The following ABCA4 variants were observed in gnomAD, a reference collection of about 807,000 sequenced individuals.
ABCA4 encodes the protein retinal-specific phospholipid-transporting ATPase ABCA4.
A neutral mutation model predicts 263.7 loss-of-function variants in ABCA4; 196 were observed. The observed-to-expected ratio is 0.74, with a 90% CI of 0.66 to 0.84. The LOEUF (loss-of-function observed/expected upper bound fraction) is 0.84. Ranked by LOEUF, ABCA4 falls within the 40% of genes least tolerant of loss-of-function variation. The pLI is 0.00. For synonymous variants in ABCA4, 1,133 were observed against 1,094.2 expected (o/e 1.04, Z -0.70); for missense variants, 2,792 against 2,855.1 (o/e 0.98, Z 0.50).
chr1:94,031,053 T>A lies in ABCA4; in HGVS notation c.4196A>T (p.Glu1399Val), dbSNP rs765601410. 1 of 1,614,104 alleles carries A rather than the reference T, an allele frequency of 6.2e-7. No homozygotes were observed. ...MLSIVIPPFG[E>V]YPALTLHPWI... is the part of the protein sequence containing the mutation. ...GGGGTGAAGGGTCAAAGCGGGGTAT[T>A]CGCCAAAAGGAGGGATAACAATAGA... Residue 1399 changes from glutamate to valine, a missense_variant, in exon 28 of 50, where the codon GAA becomes GTA. Physicochemically the swap from Glu to Val is moderately radical, Grantham distance 121. Coordinates refer to ENST00000370225, the MANE Select transcript of ABCA4 (RefSeq NM_000350.3).
Position 94,024,973 on chromosome 1 carries a change from G to A in ABCA4, c.4615C>T (p.Pro1539Ser), listed in dbSNP as rs753785442. 1 of 1,614,094 alleles carries A rather than the reference G, an allele frequency of 6.2e-7. No homozygotes were observed. Among genetic ancestry groups the A allele is most frequent in the Non-Finnish European group, 8.5e-7 (1 of 1,179,936 alleles). Reference sequence around the variant, plus strand: ...TCTTACCTGCTTCTTATAAGAGCAGGATACGTTTTTACCAAGAAGTCGGAG... The same window carrying A: ...TCTTACCTGCTTCTTATAAGAGCAGAATACGTTTTTACCAAGAAGTCGGAG... Reference protein sequence around the residue: ...NISDFLVKTYPALIRSSLKSK... With the variant: ...NISDFLVKTYSALIRSSLKSK... Residue 1539 changes from proline (P) to serine (S), a missense_variant, in exon 31 of 50, where the codon CCT becomes TCT. By Grantham distance (74) the Pro-to-Ser change is moderately conservative. Transcript: ENST00000370225.
intron 44 of ABCA4, among the ~76,000 whole-genome samples, chr1:94,003,697 G>A (rs905634111): frequency 1.6e-4 from 25 of 152,130 alleles, no homozygotes; most frequent in African/African-American, 5.8e-4. Flanking sequence ...GCAGTGGCTT[G>A]ATCACAGCTC....
intron 1 of ABCA4, 105 bp from the exon 2 acceptor site, chr1:94,113,171 G>C (rs569695224): frequency 9.3e-7 from 1 of 1,075,432 alleles, no homozygotes. Context: ...GTGTGCAGTA[G>C]GACTTTGGTT....
rs570501179 is a variant in ABCA4 at position 94,039,363 on chromosome 1, C to T, written c.3607+680G>A. On this transcript the variant is annotated intron_variant, in intron 24 of 49. Coordinates refer to ENST00000370225, the MANE Select transcript of ABCA4 (RefSeq NM_000350.3). ...GTTTGTGCTAAATAGAAAAATATGCCTTTTCTTTGATAAGCAGATACTTTC... is the reference window on the plus strand; with the variant it reads ...GTTTGTGCTAAATAGAAAAATATGCTTTTTCTTTGATAAGCAGATACTTTC... Among the ~76,000 whole-genome samples, 233 of 152,290 alleles carry T rather than the reference C, an allele frequency of 1.5e-3. 2 individuals are homozygous for T. Among genetic ancestry groups the T allele is most frequent in the Non-Finnish European group, 2.7e-3 (182 of 68,020 alleles).
chr1:94,030,924 G>A (rs1660182381), intron 28 of ABCA4, 72 bp downstream of exon 28: 4 of 1,604,154 alleles, frequency 2.5e-6, no homozygotes, highest in African/African-American at 2.7e-5. Flanking sequence ...GAAGGTCAGG[G>A]CCCTTCTAAG....
chr1:94,046,779 A>G, intron 19 of ABCA4, 140 bp downstream of exon 19: 1 of 1,025,278 alleles, frequency 9.8e-7, no homozygotes, highest in South Asian at 1.4e-5. Context: ...AATACTGCAG[A>G]AAGCTTTTAC....
intron 49 of ABCA4, among the ~76,000 whole-genome samples, 168 bp downstream of exon 49, chr1:93,995,941 C>T (rs977514215): frequency 2.0e-5 from 3 of 152,180 alleles, no homozygotes; most frequent in Non-Finnish European, 4.4e-5. Flanking sequence ...AGGGACTTAG[C>T]AAGGATGTGA....
rs1246844424 is a variant in ABCA4 at position 94,098,933 on chromosome 1, A to T, written c.629T>A (p.Leu210Gln). 1 of 1,613,424 alleles carries T rather than the reference A, an allele frequency of 6.2e-7. No individual in the cohort carries two copies. The highest frequency in any genetic ancestry group is 8.5e-7 in the Non-Finnish European group (1 of 1,180,004). Residue 210 changes from leucine to glutamine, a missense_variant, in exon 6 of 50, where the codon CTG (leucine) becomes CAG (glutamine). Transcript: ENST00000370225. ...LKDIACSEAL[L>Q]ERFIIFSQRR... ...CTGGCTGAAGATGATGAAGCGCTCCAGGAGGGCCTCGCTGCAGGCGATGTC... is the reference window on the plus strand; with the variant it reads ...CTGGCTGAAGATGATGAAGCGCTCCTGGAGGGCCTCGCTGCAGGCGATGTC...
chr1:94,099,388 T>C (rs923919110), intron 5 of ABCA4, among the ~76,000 whole-genome samples: 18 of 152,240 alleles, frequency 1.2e-4, no homozygotes, highest in Admixed American at 7.2e-4. Context: ...GTCCTGCTGA[T>C]GCCCTAACTT....
intron 26 of ABCA4, among the ~76,000 whole-genome samples, chr1:94,032,788 A>G (rs937807146): frequency 6.6e-6 from 1 of 152,350 alleles, no homozygotes; most frequent in South Asian, 2.1e-4. Flanking sequence ...ATAATTGTAA[A>G]ACTCTGAAAG....
chr1:94,099,795 T>C (rs114122707), intron 5 of ABCA4, among the ~76,000 whole-genome samples: 114 of 152,350 alleles, frequency 7.5e-4, no homozygotes, highest in African/African-American at 2.5e-3. Context: ...CTAGACACCC[T>C]GCATCTATCT....
At chr1:94,047,286 T>A (rs986149434) in intron 18 of ABCA4, among the ~76,000 whole-genome samples, 193 bp from the exon 19 acceptor site, 1 of 152,218 alleles carries the variant, frequency 6.6e-6, no homozygotes, top group African/African-American at 2.4e-5. Context: ...ACCTCCTATA[T>A]GCCAGGCACT....
intron 26 of ABCA4, among the ~76,000 whole-genome samples, chr1:94,032,875 G>A (rs577501978): frequency 2.0e-5 from 3 of 152,300 alleles, no homozygotes; most frequent in African/African-American, 7.2e-5. Context: ...AGTGGGAAGC[G>A]AGACTTTAGC....
chr1:94,008,185 C>A (rs771473252), intron 42 of ABCA4, 50 bp downstream of exon 42: 1 of 1,560,648 alleles, frequency 6.4e-7, no homozygotes, highest in South Asian at 1.1e-5. Context: ...GAGGCAGGCA[C>A]AAGAGCTGAT....
intron 11 of ABCA4, among the ~76,000 whole-genome samples, chr1:94,070,599 G>A (rs574511836): frequency 2.0e-5 from 3 of 152,298 alleles, no homozygotes; most frequent in Middle Eastern, 3.4e-3. Context: ...AGGCAGTTTC[G>A]GCCCTTGAGG....
At chr1:94,096,198 T>A (rs1662121502) in intron 6 of ABCA4, among the ~76,000 whole-genome samples, 1 of 152,202 alleles carries the variant, frequency 6.6e-6, no homozygotes, top group African/African-American at 2.4e-5. Flanking sequence ...GGAAGCTTTT[T>A]AACACAGTGA....
At chr1:94,023,478 TCTTTCCCAAAC>T in intron 31 of ABCA4, 60 bp from the exon 32 acceptor site, 1 of 1,385,380 alleles carries the variant, frequency 7.2e-7, no homozygotes, top group Non-Finnish European at 1.0e-6. Flanking sequence ...CCGTTAACTT[TCTTTCCCAAAC>T]ATTCATTTTG....
At chr1:94,096,649 A>C (rs1352996376) in intron 6 of ABCA4, among the ~76,000 whole-genome samples, 4 of 152,230 alleles carry the variant, frequency 2.6e-5, no homozygotes, top group African/African-American at 9.6e-5. Context: ...ATAAAGAAAC[A>C]TTTGGAAGCC....
intron 32 of ABCA4, among the ~76,000 whole-genome samples, chr1:94,022,473 T>C (rs1167259077): frequency 6.6e-6 from 1 of 152,178 alleles, no homozygotes; most frequent in Non-Finnish European, 1.5e-5. Context: ...CATCCTGTCA[T>C]CCCTACCTCT....
Sources: gnomAD v4.1 joint callset for allele counts (sites outside exome capture counted in the v4.1 genomes callset) on GRCh38, gnomAD v4.1.1 for gene constraint, MANE v1.5 for transcripts, NCBI Gene and HGNC (gene_info 2026-07-23, HGNC 2026-07-21) for gene names.